CSAD: variants seen among roughly 807,000 people sequenced by gnomAD.
CSAD encodes the protein cysteine sulfinic acid decarboxylase.
A neutral mutation model predicts 61.5 loss-of-function variants in CSAD; 47 were observed. The observed-to-expected ratio is 0.76, with a 90% confidence interval of 0.60 to 0.97. CSAD has a LOEUF of 0.97. CSAD is among the 50% of genes least tolerant of loss of function. The probability of loss-of-function intolerance (pLI) is 0.00; values close to 1 mark genes in which losing one functional copy is unlikely to be tolerated. For synonymous variants in CSAD, 245 were observed against 252.7 expected (o/e 0.97, Z 0.29); for missense variants, 611 against 643.6 (o/e 0.95, Z 0.55).
At chr12:53,181,083 A>G, upstream of CSAD, 1 of 865,680 alleles carries the variant, frequency 1.2e-6, no homozygotes, top group East Asian at 1.2e-4. Context: ...GCGAGCACGC[A>G]TCTCGCGCGC....
rs765592352 is a variant in CSAD at position 53,159,912 on chromosome 12, C to G, written c.1193G>C (p.Arg398Pro). The change falls in exon 15 of 17, where the codon CGG becomes CCG. Residue 398 changes from arginine to proline, a missense_variant. Transcript: ENST00000444623. ...CTCCATGACTAGCTCAAACCCTTCC[C>G]GCTTCTTCATTTCCTCCACCAGGTA... ...ARYLVEEMKK[R>P]EGFELVMEPE... The G allele has an allele frequency of 6.2e-7, 1 of 1,604,390 alleles. No individual in the cohort carries two copies. The highest frequency in any genetic ancestry group is 8.5e-7 in the Non-Finnish European group (1 of 1,174,606).
chr12:53,170,919 CTA>C (rs1489934751), intron 8 of CSAD: 5 of 378,088 alleles, frequency 1.3e-5, no homozygotes, highest in South Asian at 4.4e-5. Flanking sequence ...GGGGGTTTCA[CTA>C]TGTTTCCCAG....
At chr12:53,177,191 T>C (rs1941172006) in intron 2 of CSAD, among the ~76,000 whole-genome samples, 2 of 152,210 alleles carry the variant, frequency 1.3e-5, no homozygotes, top group Non-Finnish European at 2.9e-5. Flanking sequence ...CGTTTCTCTT[T>C]GTAAGATGAA....
chr12:53,169,495 A>T (rs1047901730), intron 10 of CSAD, among the ~76,000 whole-genome samples: 110 of 147,328 alleles, frequency 7.5e-4, no homozygotes, highest in East Asian at 2.6e-3. Context: ...AAAAAAAAAA[A>T]TTTTTACATT....
chr12:53,179,570 T>C (rs1941394581), intron 1 of CSAD: 1 of 521,600 alleles, frequency 1.9e-6, no homozygotes, highest in South Asian at 2.8e-5. Context: ...ATCTCTCTCT[T>C]TCTCCATTTT....
intron 15 of CSAD, 64 bp from the exon 16 acceptor site, chr12:53,159,776 C>A: frequency 1.3e-6 from 2 of 1,523,790 alleles, no homozygotes; most frequent in Non-Finnish European, 1.8e-6. Flanking sequence ...CCTCTCCCTG[C>A]CCCTTTCCCC....
At chr12:53,169,167 G>A (rs899319833) in intron 10 of CSAD, among the ~76,000 whole-genome samples, 6 of 150,526 alleles carry the variant, frequency 4.0e-5, no homozygotes, top group African/African-American at 1.2e-4. Flanking sequence ...GTGACACAAC[G>A]AGACTCTGTC....
chr12:53,161,647 T>C (rs962063162), intron 10 of CSAD, among the ~76,000 whole-genome samples: 1 of 152,100 alleles, frequency 6.6e-6, no homozygotes, highest in African/African-American at 2.4e-5. Context: ...AATGTTTTAC[T>C]GGAAGATCCA....
chr12:53,180,494 CCCGGCCACGGCGCACGCG>C (rs1941500603), intron 1 of CSAD: 8 of 1,235,762 alleles, frequency 6.5e-6, no homozygotes, highest in South Asian at 4.1e-5. Context: ...CGGGGCGCGC[CCCGGCCACGGCGCACGCG>C]CCGGCCTCAG....
intron 10 of CSAD, among the ~76,000 whole-genome samples, chr12:53,162,838 G>A (rs1322660017): frequency 6.6e-6 from 1 of 152,024 alleles, no homozygotes; most frequent in Non-Finnish European, 1.5e-5. Flanking sequence ...GAGGCGGGCG[G>A]ATCACCTGAG....
chr12:53,176,683 C>T (rs975593641), intron 2 of CSAD, among the ~76,000 whole-genome samples: 5 of 151,230 alleles, frequency 3.3e-5, no homozygotes, highest in African/African-American at 1.2e-4. Flanking sequence ...CATGCCACTG[C>T]ACTCCAGCCT....
intron 10 of CSAD, among the ~76,000 whole-genome samples, chr12:53,167,847 T>C (rs924112104): frequency 2.0e-5 from 3 of 152,204 alleles, no homozygotes; most frequent in African/African-American, 7.2e-5. Context: ...ACAGAGTTAC[T>C]ATATGACCCA....
chr12:53,159,783 C>G (rs1261797638), intron 15 of CSAD, 71 bp from the exon 16 acceptor site: 5 of 1,524,470 alleles, frequency 3.3e-6, no homozygotes, highest in Non-Finnish European at 4.5e-6. Flanking sequence ...CTGCCCCTTT[C>G]CCCTCTCCCT....
At chr12:53,179,617 G>T (rs1038331298) in intron 1 of CSAD, 3 of 632,258 alleles carry the variant, frequency 4.7e-6, no homozygotes, top group Non-Finnish European at 8.2e-6. Flanking sequence ...CACAAAAAAC[G>T]TACTTTCAAT....
chr12:53,177,293 A>G (rs1355088889), intron 2 of CSAD, among the ~76,000 whole-genome samples: 1 of 152,218 alleles, frequency 6.6e-6, no homozygotes, highest in Non-Finnish European at 1.5e-5. Flanking sequence ...TTCCTAGCAA[A>G]GACAGAAATG....
At chr12:53,169,246 G>A (rs1292673682) in intron 10 of CSAD, among the ~76,000 whole-genome samples, 2 of 152,054 alleles carry the variant, frequency 1.3e-5, no homozygotes, top group East Asian at 3.9e-4. Flanking sequence ...TTGGGAGGCT[G>A]AGGCAGGCGG....
chr12:53,163,188 T>C (rs1185806192), intron 10 of CSAD, among the ~76,000 whole-genome samples: 2 of 152,080 alleles, frequency 1.3e-5, no homozygotes, highest in African/African-American at 4.8e-5. Flanking sequence ...TGAACCATGA[T>C]TGCACCACTG....
chr12:53,162,558 ACT>A (rs1158305114), intron 10 of CSAD, among the ~76,000 whole-genome samples: 2 of 152,278 alleles, frequency 1.3e-5, no homozygotes, highest in Non-Finnish European at 1.5e-5. Context: ...ACAAAGTGAA[ACT>A]CTGTCTCTAA....
At chr12:53,168,922 A>G (rs904408480) in intron 10 of CSAD, among the ~76,000 whole-genome samples, 2 of 152,160 alleles carry the variant, frequency 1.3e-5, no homozygotes, top group African/African-American at 4.8e-5. Context: ...GCTCACGCCT[A>G]TAATCCCAGC....
Sources: allele counts gnomAD v4.1 joint callset (sites outside exome capture counted in the v4.1 genomes callset), GRCh38; gene constraint gnomAD v4.1.1; transcripts MANE v1.5; gene names NCBI Gene and HGNC (gene_info 2026-07-23, HGNC 2026-07-21).